PDE4D: variants seen among roughly 807,000 people sequenced by gnomAD.
PDE4D encodes 3',5'-cyclic-AMP phosphodiesterase 4D.
Under a neutral mutation model 87.4 loss-of-function variants are expected in PDE4D, and 24 were observed. That is an observed-to-expected ratio of 0.27 (90% CI 0.20 to 0.39). The LOEUF is 0.39. Ranked by LOEUF, PDE4D falls within the 10% of genes least tolerant of loss-of-function variation. The pLI is 1.00. For synonymous variants in PDE4D, 384 were observed against 383.2 expected (o/e 1.00, Z -0.02); for missense variants, 714 against 1,041.0 (o/e 0.69, Z 4.32).
chr5:59,185,814 G>C (rs973369920), intron 3 of PDE4D, among the ~76,000 whole-genome samples: 1 of 152,122 alleles, frequency 6.6e-6, no homozygotes, highest in African/African-American at 2.4e-5. Context: ...AAGCTCTCAG[G>C]GATGCGTTTC....
At chr5:59,165,416 GGT>G (rs1781780673) in intron 5 of PDE4D, among the ~76,000 whole-genome samples, 1 of 152,148 alleles carries the variant, frequency 6.6e-6, no homozygotes, top group Non-Finnish European at 1.5e-5. Flanking sequence ...TGGGATTACA[GGT>G]GTGCAACACC....
intron 1 of PDE4D, among the ~76,000 whole-genome samples, chr5:59,285,801 G>A (rs1766829948): frequency 6.6e-6 from 1 of 152,100 alleles, no homozygotes; most frequent in Non-Finnish European, 1.5e-5. Flanking sequence ...GGACAATGGG[G>A]AGGGTGTTTG....
chr5:59,535,080 G>A (rs112686085), intron 1 of PDE4D, among the ~76,000 whole-genome samples: 2 of 147,696 alleles, frequency 1.4e-5, no homozygotes, highest in East Asian at 2.2e-4. Context: ...TGTGTGTGGG[G>A]GGGGGGTCCT....
intron 1 of PDE4D, among the ~76,000 whole-genome samples, chr5:59,289,007 AG>A (rs1372288528): frequency 2.0e-5 from 3 of 152,168 alleles, no homozygotes; most frequent in Admixed American, 1.3e-4. Context: ...GGAGGAACAA[AG>A]CTCACTAGCA....
intron 1 of PDE4D, among the ~76,000 whole-genome samples, chr5:59,647,565 T>C (rs937667429): frequency 2.6e-5 from 4 of 152,018 alleles, no homozygotes; most frequent in African/African-American, 2.4e-5. Flanking sequence ...CTAAAATTCA[T>C]CTTAAACCGT....
chr5:60,390,473 C>T (rs1762486903), intron 1 of PDE4D, among the ~76,000 whole-genome samples: 1 of 152,068 alleles, frequency 6.6e-6, no homozygotes, highest in African/African-American at 2.4e-5. Flanking sequence ...GAAATGCCAA[C>T]CAGGACTTAC....
intron 3 of PDE4D, among the ~76,000 whole-genome samples, chr5:59,972,948 G>T (rs948639479): frequency 6.6e-5 from 10 of 152,020 alleles, no homozygotes; most frequent in Admixed American, 2.6e-4. Context: ...GGTTCTGCTG[G>T]TGATCTTTTT....
chr5:59,845,945 G>T (rs1743779537), intron 1 of PDE4D, among the ~76,000 whole-genome samples: 1 of 152,036 alleles, frequency 6.6e-6, no homozygotes, highest in Admixed American at 6.6e-5. Context: ...ACTCATCTGG[G>T]AGATTACAGT....
At chr5:59,966,264 T>C (rs760442801) in intron 3 of PDE4D, among the ~76,000 whole-genome samples, 23 of 152,324 alleles carry the variant, frequency 1.5e-4, no homozygotes, top group Non-Finnish European at 3.1e-4. Flanking sequence ...TGCTTCATTG[T>C]CTCATGACCC....
At chr5:59,488,109 C>A (rs1430909184) in intron 1 of PDE4D, among the ~76,000 whole-genome samples, 1 of 147,916 alleles carries the variant, frequency 6.8e-6, no homozygotes, top group Admixed American at 6.8e-5. Context: ...TCACCCCGGT[C>A]ACTATTTACC....
chr5:59,059,502 A>T (rs1043296427), intron 5 of PDE4D, among the ~76,000 whole-genome samples: 21 of 152,158 alleles, frequency 1.4e-4, no homozygotes, highest in African/African-American at 5.1e-4. Context: ...CTGTGATTCA[A>T]ATTTAGATGA....
chr5:59,958,593 A>G (rs932688197), intron 3 of PDE4D, among the ~76,000 whole-genome samples: 21 of 152,194 alleles, frequency 1.4e-4, no homozygotes, highest in African/African-American at 4.1e-4. Flanking sequence ...AACAAAAACC[A>G]TATTATCATC....
intron 1 of PDE4D, among the ~76,000 whole-genome samples, chr5:59,783,674 A>G (rs1764846004): frequency 6.6e-6 from 1 of 152,232 alleles, no homozygotes; most frequent in Admixed American, 6.5e-5. Flanking sequence ...TTGGAGTAAG[A>G]TTCCATTCAG....
intron 2 of PDE4D, among the ~76,000 whole-genome samples, chr5:60,034,960 C>A (rs1767629055): frequency 6.6e-6 from 1 of 152,110 alleles, no homozygotes; most frequent in African/African-American, 2.4e-5. Flanking sequence ...ATCATCCAGG[C>A]AAAATGTGCA....
intron 1 of PDE4D, among the ~76,000 whole-genome samples, chr5:59,238,394 T>A (rs1167519316): frequency 2.0e-5 from 3 of 152,182 alleles, no homozygotes; most frequent in Non-Finnish European, 4.4e-5. Context: ...AGTAATTAGA[T>A]GAGCATTTGA....
At chr5:59,052,848 C>T (rs770651445) in intron 5 of PDE4D, among the ~76,000 whole-genome samples, 37 of 151,964 alleles carry the variant, frequency 2.4e-4, no homozygotes, top group South Asian at 2.1e-4. Context: ...TCTTTTTTGG[C>T]GGTTCAGTTC....
chr5:59,715,585 A>T (rs767563605), intron 1 of PDE4D, among the ~76,000 whole-genome samples: 1 of 152,214 alleles, frequency 6.6e-6, no homozygotes, highest in Non-Finnish European at 1.5e-5. Flanking sequence ...GATAATCTGC[A>T]CCAATAGCTG....
intron 1 of PDE4D, among the ~76,000 whole-genome samples, chr5:59,263,817 T>C (rs1319375503): frequency 6.6e-6 from 1 of 151,890 alleles, no homozygotes; most frequent in African/African-American, 2.4e-5. Context: ...CACTATTATT[T>C]TTAGTAGGTG....
intron 1 of PDE4D, among the ~76,000 whole-genome samples, chr5:60,291,367 T>G (rs1290289258): frequency 6.6e-6 from 1 of 152,190 alleles, no homozygotes; most frequent in African/African-American, 2.4e-5. Flanking sequence ...AGATTCCACT[T>G]GCCCATAGGG....
Sources: allele counts gnomAD v4.1 joint callset (sites outside exome capture counted in the v4.1 genomes callset), GRCh38; gene constraint gnomAD v4.1.1; transcripts MANE v1.5; gene names NCBI Gene and HGNC (gene_info 2026-07-23, HGNC 2026-07-21).